The following IFT43 variants were observed in gnomAD, a reference collection of about 807,000 sequenced individuals.
The protein encoded by IFT43 is intraflagellar transport 43, also known as intraflagellar transport protein 43 homolog.
A neutral mutation model predicts 32.3 loss-of-function variants in IFT43; 33 were observed. That is an observed-to-expected ratio of 1.02 (90% CI 0.77 to 1.37). IFT43 has a LOEUF of 1.37. Ranked by LOEUF, IFT43 falls within the 40% of genes most tolerant of loss-of-function variation. The probability of loss-of-function intolerance (pLI) is 0.00; values close to 1 mark genes in which losing one functional copy is unlikely to be tolerated. For synonymous variants in IFT43, 93 were observed against 98.2 expected (o/e 0.95, Z 0.31); for missense variants, 274 against 265.9 (o/e 1.03, Z -0.21).
At chr14:76,042,144 T>C (rs2036719861) in intron 3 of IFT43, among the ~76,000 whole-genome samples, 1 of 152,138 alleles carries the variant, frequency 6.6e-6, no homozygotes, top group South Asian at 2.1e-4. Flanking sequence ...ACATTATTTA[T>C]TGTGACTTCT....
At chr14:75,999,200 T>TAATA (rs1555362881) in intron 2 of IFT43, among the ~76,000 whole-genome samples, 1 of 144,476 alleles carries the variant, frequency 6.9e-6, no homozygotes, top group Non-Finnish European at 1.5e-5. Context: ...TATATATATA[T>TAATA]AATATTCATT....
intron 2 of IFT43, among the ~76,000 whole-genome samples, chr14:75,991,423 G>GTGTA (rs1555362333): frequency 2.4e-4 from 34 of 139,886 alleles, no homozygotes; most frequent in Non-Finnish European, 4.0e-4. Context: ...GTGTGTGTGT[G>GTGTA]TGTATGTATG....
chr14:75,986,390 G>C, intron 1 of IFT43: 1 of 764,228 alleles, frequency 1.3e-6, no homozygotes, highest in Non-Finnish European at 1.8e-6. Context: ...ACGTGAGGGA[G>C]TGATTAGGTG....
intron 5 of IFT43, among the ~76,000 whole-genome samples, chr14:76,075,075 C>G (rs941974612): frequency 6.6e-6 from 1 of 152,244 alleles, no homozygotes; most frequent in African/African-American, 2.4e-5. Context: ...CCTCCTCTCT[C>G]TGTCTCCCCA....
chr14:76,062,644 C>T (rs529027214), intron 5 of IFT43, among the ~76,000 whole-genome samples: 487 of 152,100 alleles, frequency 3.2e-3, no homozygotes, highest in Non-Finnish European at 6.1e-3. Context: ...CAGTCAGGCG[C>T]GGTGGCTCAT....
In IFT43 at chr14:75,997,943, T is replaced by G. The variant is rs145662574; in HGVS notation, c.147+8966T>G. On this transcript the variant is annotated intron_variant, in intron 2 of 8. Transcript: ENST00000314067. ...ACCCTTTAATGGATACTCGTTGCAC[T>G]TAAGATAAAAAAACAAAACAAAACA... is the stretch of plus-strand genomic sequence containing the variant. 4.1e-3 allele frequency among the ~76,000 whole-genome samples: 618 copies of G among 152,278 alleles called. 1 individual carries two copies. The highest frequency in any genetic ancestry group is 0.014 in the African/African-American group (583 of 41,558).
At position 76,010,355 on chromosome 14, in the gene IFT43, A is replaced by G. The variant is rs1296196378; in HGVS notation, c.148-11972A>G. On this transcript the variant is annotated intron_variant, in intron 2 of 8. Transcript: ENST00000314067. Reference sequence around the variant, plus strand: ...TCACGAGCACATGCATCAAGGAACAACCTCCATGCTGGTACCCTCCTCCAT... The same window carrying G: ...TCACGAGCACATGCATCAAGGAACAGCCTCCATGCTGGTACCCTCCTCCAT... Among the ~76,000 whole-genome samples the G allele has an allele frequency of 3.3e-5, 5 of 151,482 alleles. No homozygotes were observed. The South Asian group carries it at 1.0e-3, about 32-fold the overall frequency.
intron 3 of IFT43, among the ~76,000 whole-genome samples, chr14:76,030,563 G>A (rs1055767949): frequency 1.3e-5 from 2 of 152,038 alleles, no homozygotes; most frequent in African/African-American, 4.8e-5. Context: ...TAAAAAATAC[G>A]CTCTATCCTG....
At chr14:76,074,134 A>G (rs1270861802) in intron 5 of IFT43, among the ~76,000 whole-genome samples, 1 of 152,198 alleles carries the variant, frequency 6.6e-6, no homozygotes, top group East Asian at 1.9e-4. Context: ...TGTTTTTCTC[A>G]GTGTAACATG....
chr14:76,003,013 T>C (rs868651630), intron 2 of IFT43, among the ~76,000 whole-genome samples: 2 of 152,222 alleles, frequency 1.3e-5, no homozygotes, highest in Non-Finnish European at 2.9e-5. Context: ...CTAGGCTAGA[T>C]TTCTTCTTAT....
intron 6 of IFT43, 100 bp downstream of exon 6, chr14:76,082,467 T>G (rs1594871219): frequency 1.7e-6 from 2 of 1,182,410 alleles, no homozygotes; most frequent in East Asian, 4.7e-5. Context: ...TGGATCTTTC[T>G]GGTGTTGGGC....
At chr14:76,014,903 G>A (rs952581107) in intron 2 of IFT43, among the ~76,000 whole-genome samples, 5 of 152,122 alleles carry the variant, frequency 3.3e-5, no homozygotes, top group Admixed American at 6.5e-5. Context: ...CATCACTGAC[G>A]CCTACTTCTC....
chr14:75,999,273 G>T (rs57837727), intron 2 of IFT43, among the ~76,000 whole-genome samples: 657 of 22,146 alleles, frequency 0.03, 79 homozygotes, highest in African/African-American at 0.14. Context: ...ATATATATAT[G>T]TATATATATT....
rs28623702 is a variant in IFT43 at position 76,041,717 on chromosome 14, C to T, written c.216-16925C>T. 4.5e-3 allele frequency among the ~76,000 whole-genome samples: 680 copies of T among 150,688 alleles called. 2 individuals carry two copies. Among genetic ancestry groups the T allele is most frequent in the African/African-American group, 0.016 (650 of 40,910 alleles). Reference sequence around the variant, plus strand: ...TGGAATAGTTTGTTGGTATCTTTTACCCACTTCAATACGTGTATGTACAAA... The same window carrying T: ...TGGAATAGTTTGTTGGTATCTTTTATCCACTTCAATACGTGTATGTACAAA... On this transcript the variant is annotated intron_variant, in intron 3 of 8. Coordinates refer to ENST00000314067, the MANE Select transcript of IFT43 (RefSeq NM_001102564.3).
chr14:76,019,860 TTTTC>T (rs1452891467), intron 2 of IFT43, among the ~76,000 whole-genome samples: 2 of 152,126 alleles, frequency 1.3e-5, no homozygotes, highest in African/African-American at 4.8e-5. Context: ...TGATTGTATT[TTTTC>T]TTTCTTTCAT....
chr14:76,072,533 C>T (rs1407646376), intron 5 of IFT43, among the ~76,000 whole-genome samples: 1 of 152,170 alleles, frequency 6.6e-6, no homozygotes, highest in Non-Finnish European at 1.5e-5. Context: ...ATGTGAGCAG[C>T]TTGCTTGCAT....
intron 3 of IFT43, among the ~76,000 whole-genome samples, chr14:76,055,578 G>T (rs2036997549): frequency 6.6e-6 from 1 of 152,162 alleles, no homozygotes; most frequent in South Asian, 2.1e-4. Flanking sequence ...GTCATGACCT[G>T]AAGTTTAAAA....
At chr14:75,989,083 C>G (rs751797730) in intron 2 of IFT43, 106 bp downstream of exon 2, 1 of 1,335,828 alleles carries the variant, frequency 7.5e-7, no homozygotes. Flanking sequence ...TGAATGCCAA[C>G]CCTTTCTCCT....
intron 2 of IFT43, among the ~76,000 whole-genome samples, chr14:75,999,257 A>AAATTCATTT (rs1326316493): frequency 2.3e-3 from 28 of 11,936 alleles, no homozygotes; most frequent in Admixed American, 7.4e-3. Context: ...ATATATATAT[A>AAATTCATTT]TATATATATA....
Sources: gnomAD v4.1 joint callset for allele counts (sites outside exome capture counted in the v4.1 genomes callset) on GRCh38, gnomAD v4.1.1 for gene constraint, MANE v1.5 for transcripts, NCBI Gene and HGNC (gene_info 2026-07-23, HGNC 2026-07-21) for gene names.